TFG: variants seen among roughly 807,000 people sequenced by gnomAD.
TFG encodes trafficking from ER to golgi regulator.
TFG carries 22 observed loss-of-function variants against 51.4 expected under a neutral mutation model. The observed-to-expected ratio is 0.43, with a 90% CI of 0.31 to 0.61. TFG has a LOEUF of 0.61. Among genes scored for constraint, TFG ranks in the 20% least tolerant of loss-of-function variants. TFG has a pLI of 0.12. For missense variants in TFG, 419 were observed against 487.7 expected (o/e 0.86, Z 1.33); for synonymous variants, 187 against 165.6 (o/e 1.13, Z -0.99).
chr3:100,710,717 T>C (rs139186664), intron 1 of TFG, among the ~76,000 whole-genome samples: 246 of 152,316 alleles, frequency 1.6e-3, no homozygotes, highest in African/African-American at 5.4e-3. Context: ...GGTAGAGGGT[T>C]ATATTATACA....
At chr3:100,732,940 G>A (rs895140578) in intron 5 of TFG, among the ~76,000 whole-genome samples, 3 of 152,078 alleles carry the variant, frequency 2.0e-5, no homozygotes, top group African/African-American at 4.8e-5. Flanking sequence ...GCACTGTTGG[G>A]TTCAAGTAAA....
rs752280328 is a variant in TFG at position 100,736,557 on chromosome 3, C to CT, written c.581-11dup. ...GGCCTTGTGTTGGATACTAAACTGA[C>CT]TTTTTTTTGACTATCCAGGGCCACC... is the stretch of plus-strand genomic sequence containing the variant. On this transcript the variant is annotated intron_variant, in intron 5 of 7. Coordinates refer to ENST00000240851, the MANE Select transcript of TFG (RefSeq NM_006070.6). 1.7e-5 allele frequency: 28 copies of CT among 1,610,402 alleles called. No individual in the cohort carries two copies. The highest frequency in any genetic ancestry group is 4.5e-5 in the East Asian group (2 of 44,804).
At chr3:100,733,681 G>T (rs552038289) in intron 5 of TFG, among the ~76,000 whole-genome samples, 2 of 152,046 alleles carry the variant, frequency 1.3e-5, no homozygotes, top group Non-Finnish European at 2.9e-5. Context: ...ATAGTGTTTG[G>T]TTGAAAACTA....
At chr3:100,739,901 C>T (rs994614638) in intron 6 of TFG, among the ~76,000 whole-genome samples, 4 of 151,992 alleles carry the variant, frequency 2.6e-5, no homozygotes, top group Admixed American at 6.6e-5. Flanking sequence ...CTCTGTTGCC[C>T]AGGTTGGAGT....
chr3:100,720,004 T>G lies in TFG; in HGVS notation c.214T>G (p.Ser72Ala). Reference protein sequence around the residue: ...DGDLITIFDSSDLSFAIQCSR... With the variant: ...DGDLITIFDSADLSFAIQCSR... ...AGATCTTATAACAATTTTTGATAGT[T>G]CTGACCTTTCCTTTGCAATTCAGTG... The change falls in exon 3 of 8, where the codon TCT becomes GCT. Residue 72 changes from serine to alanine, a missense_variant. This residue lies in a region of TFG where 391 missense variants were observed against 434.4 expected (regional missense o/e 0.90). Coordinates refer to ENST00000240851, the MANE Select transcript of TFG (RefSeq NM_006070.6). The G allele has an allele frequency of 6.3e-7, 1 of 1,581,114 alleles. No homozygotes were observed.
At chr3:100,744,777 T>C in intron 6 of TFG, 56 bp from the exon 7 acceptor site, 1 of 1,150,114 alleles carries the variant, frequency 8.7e-7, no homozygotes, top group South Asian at 1.3e-5. Context: ...AAAATATTTC[T>C]CTTTGCCACA....
chr3:100,737,170 T>TA (rs1185459379), intron 6 of TFG, among the ~76,000 whole-genome samples: 1 of 152,236 alleles, frequency 6.6e-6, no homozygotes, highest in Admixed American at 6.5e-5. Flanking sequence ...AGTAGCCTTT[T>TA]ATAATTTTGT....
intron 6 of TFG, among the ~76,000 whole-genome samples, chr3:100,741,766 C>T (rs1219919382): frequency 1.3e-5 from 2 of 152,022 alleles, no homozygotes; most frequent in Admixed American, 6.6e-5. Context: ...TCTTTTTTGC[C>T]ATATTTTCAC....
chr3:100,718,100 A>G (rs1384411732), intron 2 of TFG, among the ~76,000 whole-genome samples: 2 of 151,564 alleles, frequency 1.3e-5, no homozygotes, highest in African/African-American at 2.4e-5. Context: ...TCTTATTCTT[A>G]ATGTTTATCA....
chr3:100,748,811 T>C lies in TFG; in HGVS notation c.*280T>C. On this transcript the variant is annotated 3_prime_UTR_variant, in exon 8 of 8. Transcript: ENST00000240851. The stretch of plus-strand genomic sequence containing the variant: ...TGACTTGACTTTCTAGCTTCCCTTG[T>C]CCGGAGGATATTAAAATGCTAGGGT... 2.9e-6 allele frequency: 1 copy of C among 346,612 alleles called. No homozygotes were observed. The highest frequency in any genetic ancestry group is 7.3e-5 in the South Asian group (1 of 13,784). 21.5% of individuals were successfully genotyped at this position (346,612 alleles called of 1,614,324 possible).
In TFG at chr3:100,733,724, A is replaced by G. The variant is rs145889213; in HGVS notation, c.580+1052A>G. ...TGGTTAATATGTTGTAGTGACTTGGACTTATATTCTTTTGAGGATTTTCTG... is the reference window on the plus strand; with the variant it reads ...TGGTTAATATGTTGTAGTGACTTGGGCTTATATTCTTTTGAGGATTTTCTG... On this transcript the variant is annotated intron_variant, in intron 5 of 7. Transcript: ENST00000240851. Among the ~76,000 whole-genome samples the G allele has an allele frequency of 3.4e-3, 513 of 152,180 alleles. 5 individuals carry two copies. The highest frequency in any genetic ancestry group is 5.0e-3 in the Non-Finnish European group (342 of 68,004).
chr3:100,713,877 T>G lies in TFG; in HGVS notation c.184+8T>G. ...TAAAGTATAAAGATGAAGGTAAGAG[T>G]GTTTTTAAAGCTATTTTTTAAAGTC... On this transcript the variant is annotated splice_region_variant and intron_variant, in intron 2 of 7. Coordinates refer to ENST00000240851, the MANE Select transcript of TFG (RefSeq NM_006070.6). 7.0e-7 allele frequency: 1 copy of G among 1,422,110 alleles called. No homozygotes were observed. The highest frequency in any genetic ancestry group is 9.4e-7 in the Non-Finnish European group (1 of 1,065,032). The allele number at this position is 1,422,110 out of a possible 1,614,324, so 88.1% of individuals were successfully genotyped here.
At chr3:100,716,269 A>G (rs2095046193) in intron 2 of TFG, among the ~76,000 whole-genome samples, 1 of 152,124 alleles carries the variant, frequency 6.6e-6, no homozygotes, top group African/African-American at 2.4e-5. Flanking sequence ...TTACTTGTAT[A>G]AGATCAACTT....
chr3:100,731,419 T>G (rs1321248744), intron 4 of TFG, among the ~76,000 whole-genome samples: 1 of 152,230 alleles, frequency 6.6e-6, no homozygotes, highest in Non-Finnish European at 1.5e-5. Flanking sequence ...ATTTTAAATT[T>G]AACCTGCTCA....
chr3:100,736,256 G>A (rs2095105919), intron 5 of TFG, among the ~76,000 whole-genome samples: 1 of 152,062 alleles, frequency 6.6e-6, no homozygotes, highest in African/African-American at 2.4e-5. Context: ...GACAATTTTG[G>A]TTCCTGTGCA....
chr3:100,736,549 T>C, intron 5 of TFG, 27 bp from the exon 6 acceptor site: 1 of 1,612,258 alleles, frequency 6.2e-7, no homozygotes, highest in Non-Finnish European at 8.5e-7. Flanking sequence ...TGTTGGATAC[T>C]AAACTGACTT....
intron 5 of TFG, among the ~76,000 whole-genome samples, chr3:100,732,971 A>G (rs1228763132): frequency 6.6e-6 from 1 of 152,220 alleles, no homozygotes. Context: ...TAAAATTTAG[A>G]AAGTTTTTAA....
In TFG at chr3:100,748,407, G is replaced by C. The variant is rs753259754; in HGVS notation, c.1079G>C (p.Arg360Thr). The C allele has an allele frequency of 1.2e-6, 2 of 1,614,074 alleles. No individual in the cohort carries two copies. The highest frequency in any genetic ancestry group is 1.7e-6 in the Non-Finnish European group (2 of 1,179,990). ...APSQPGAYQPRPGFTSLPGST... is the reference protein window; with the variant it reads ...APSQPGAYQPTPGFTSLPGST... Reference sequence around the variant, plus strand: ...AGCCAACCTGGGGCCTATCAACCAAGACCAGGTTTTACTTCACTTCCTGGA... The same window carrying C: ...AGCCAACCTGGGGCCTATCAACCAACACCAGGTTTTACTTCACTTCCTGGA... Residue 360 changes from arginine to threonine, a missense_variant, in exon 8 of 8, where the codon AGA becomes ACA. Transcript: ENST00000240851.
At chr3:100,717,920 T>A (rs1174019412) in intron 2 of TFG, among the ~76,000 whole-genome samples, 1 of 152,178 alleles carries the variant, frequency 6.6e-6, no homozygotes, top group Admixed American at 6.5e-5. Context: ...CTGTCTTTTT[T>A]TTATTTTTTA....
Sources: gnomAD v4.1 joint callset for allele counts (sites outside exome capture counted in the v4.1 genomes callset) on GRCh38, gnomAD v4.1.1 for gene constraint, gnomAD v4.1.1 regional missense constraint, MANE v1.5 for transcripts, NCBI Gene and HGNC (gene_info 2026-07-23, HGNC 2026-07-21) for gene names.